TJP1: variants seen among roughly 807,000 people sequenced by gnomAD.
TJP1 encodes the protein tight junction protein 1, also known as tight junction protein ZO-1.
A neutral mutation model predicts 194.2 loss-of-function variants in TJP1; 43 were observed. The observed-to-expected ratio is 0.22, with a 90% CI of 0.17 to 0.29. TJP1 has a LOEUF of 0.29. Ranked by LOEUF, TJP1 falls within the 10% of genes least tolerant of loss-of-function variation. The probability of loss-of-function intolerance (pLI) is 1.00; values close to 1 mark genes in which losing one functional copy is unlikely to be tolerated. For missense variants in TJP1, 1,971 were observed against 2,185.7 expected (o/e 0.90, Z 1.96); for synonymous variants, 801 against 779.0 (o/e 1.03, Z -0.47).
chr15:29,729,683 G>C (rs968652725), intron 15 of TJP1, among the ~76,000 whole-genome samples: 33 of 152,160 alleles, frequency 2.2e-4, no homozygotes, highest in African/African-American at 7.7e-4. Context: ...AGCCGGGCGT[G>C]GTGGCGGGTG....
intron 1 of TJP1, among the ~76,000 whole-genome samples, chr15:29,816,603 C>A (rs1015261777): frequency 1.3e-5 from 2 of 152,176 alleles, no homozygotes; most frequent in Non-Finnish European, 2.9e-5. Context: ...GAGTTTTTCA[C>A]TTTTAAAACA....
At chr15:29,959,301 T>C (rs1006398587) in intron 1 of TJP1, among the ~76,000 whole-genome samples, 4 of 152,020 alleles carry the variant, frequency 2.6e-5, no homozygotes, top group African/African-American at 9.7e-5. Flanking sequence ...GTATCTAGTA[T>C]TTTTTTAATT....
At position 29,732,828 on chromosome 15, in the gene TJP1, G is replaced by A. The variant is rs1358615492; in HGVS notation, c.1737-13C>T. On this transcript the variant is annotated splice_polypyrimidine_tract_variant and intron_variant, in intron 13 of 27. Coordinates refer to ENST00000614355, the MANE Select transcript of TJP1 (RefSeq NM_001330239.4). ...TAGCTGCTCAGCTCTACACAAGAAAGGAGAAAATTAAAATAAGGGCATTTA... is the reference window on the plus strand; with the variant it reads ...TAGCTGCTCAGCTCTACACAAGAAAAGAGAAAATTAAAATAAGGGCATTTA... 2 of 1,558,884 alleles carry A rather than the reference G, an allele frequency of 1.3e-6. No homozygotes were observed.
chr15:29,747,082 C>T (rs906788402), intron 8 of TJP1, among the ~76,000 whole-genome samples: 6 of 152,046 alleles, frequency 3.9e-5, no homozygotes, highest in African/African-American at 7.3e-5. Flanking sequence ...GTCAGGAGTT[C>T]GAGATCAGCC....
At chr15:29,834,129 C>T (rs2050944141) in intron 2 of TJP1, among the ~76,000 whole-genome samples, 1 of 151,082 alleles carries the variant, frequency 6.6e-6, no homozygotes, top group African/African-American at 2.4e-5. Context: ...GATCGGCCCA[C>T]CTCGGCTTCC....
At position 29,879,685 on chromosome 15, in the gene TJP1, C is replaced by T. The variant is rs117312166; in HGVS notation, c.306+76547G>A. ...GGAATTGTGACATCAGGTGTGTGCA[C>T]TTTCGCATATAGCTTAGACTCTCTT... On this transcript the variant is annotated intron_variant, in intron 2 of 28. Coordinates refer to the TJP1 transcript ENST00000356107. 1.8e-3 allele frequency among the ~76,000 whole-genome samples: 270 copies of T among 151,146 alleles called. 8 individuals carry two copies. The East Asian group carries it at 0.049, about 27-fold the overall frequency.
At chr15:29,888,045 T>C (rs898595022) in intron 2 of TJP1, among the ~76,000 whole-genome samples, 2 of 152,150 alleles carry the variant, frequency 1.3e-5, no homozygotes, top group Non-Finnish European at 2.9e-5. Flanking sequence ...GATCTAAAAG[T>C]ATATTAAAGA....
chr15:29,710,868 C>G lies in TJP1; in HGVS notation c.4335G>C (p.Ala1445=), dbSNP rs774848779. 3 of 1,613,982 alleles carry G rather than the reference C, an allele frequency of 1.9e-6. No homozygotes were observed. The highest frequency in any genetic ancestry group is 2.2e-5 in the South Asian group (2 of 91,084). The change falls in exon 24 of 28, where the codon GCG becomes GCC. Residue 1445 remains alanine, a synonymous_variant. Coordinates refer to ENST00000614355, the MANE Select transcript of TJP1 (RefSeq NM_001330239.4). ...CTCCCTTAGAATGTATGTGGAGAGA[C>G]GCGCTGGTGACAGGCTGAGATGGCT... ...YAQPSQPVTS[A]SLHIHSKGAH...
intron 8 of TJP1, among the ~76,000 whole-genome samples, chr15:29,744,014 A>G (rs542119574): frequency 6.6e-6 from 1 of 152,250 alleles, no homozygotes; most frequent in South Asian, 2.1e-4. Flanking sequence ...CCCTGTCTCT[A>G]CTAAAAATAC....
intron 2 of TJP1, among the ~76,000 whole-genome samples, chr15:29,852,731 C>T (rs1596109209): frequency 6.6e-6 from 1 of 152,014 alleles, no homozygotes; most frequent in African/African-American, 2.4e-5. Flanking sequence ...AATGGAGAAA[C>T]CCCGTCTCTA....
In TJP1 at chr15:29,750,294, C is replaced by T. The variant is rs186446561; in HGVS notation, c.1011-7513G>A. On this transcript the variant is annotated intron_variant, in intron 8 of 27. Transcript: ENST00000614355. ...CTGGGATTACAGGCGTGAGCCACCA[C>T]GCCCGGCCTAATTTTTTGTATTTTA... Among the ~76,000 whole-genome samples, 379 of 152,256 alleles carry T rather than the reference C, an allele frequency of 2.5e-3. 2 individuals are homozygous for T. The highest frequency in any genetic ancestry group is 8.5e-3 in the African/African-American group (353 of 41,552).
chr15:29,705,712 A>G lies in TJP1; in HGVS notation c.4884T>C (p.Asp1628=). Residue 1628 remains aspartate, a synonymous_variant, in exon 26 of 28, where the codon GAT becomes GAC. Transcript: ENST00000614355. The part of the protein sequence containing the change: ...PSAVEEDEDE[D]GHTVVATARG... ...GGGCTGTGGCCACCACAGTATGACC[A>G]TCTTCATCTTCATCCTCTTCCACAG... 6.2e-7 allele frequency: 1 copy of G among 1,614,170 alleles called. No homozygotes were observed. The highest frequency in any genetic ancestry group is 1.1e-5 in the South Asian group (1 of 91,092).
intron 8 of TJP1, chr15:29,760,387 T>G: frequency 1.6e-6 from 1 of 622,452 alleles, no homozygotes; most frequent in Non-Finnish European, 2.9e-6. Flanking sequence ...TGTTTTGTTT[T>G]GTTTTTGAGA....
intron 2 of TJP1, among the ~76,000 whole-genome samples, chr15:29,847,502 T>G (rs1457961200): frequency 6.6e-6 from 1 of 152,172 alleles, no homozygotes; most frequent in East Asian, 1.9e-4. Flanking sequence ...AGTAAGCACT[T>G]GGGCTGGGCC....
At chr15:29,743,304 G>C (rs1318978040) in intron 8 of TJP1, among the ~76,000 whole-genome samples, 1 of 152,108 alleles carries the variant, frequency 6.6e-6, no homozygotes, top group Non-Finnish European at 1.5e-5. Flanking sequence ...ATATAATACT[G>C]GGCTGAACTA....
At chr15:29,766,148 T>C (rs2046317407) in intron 5 of TJP1, 118 bp downstream of exon 5, 5 of 1,361,224 alleles carry the variant, frequency 3.7e-6, no homozygotes, top group South Asian at 2.9e-5. Context: ...CTTACAGTGA[T>C]AGAACACAAA....
At position 29,817,958 on chromosome 15, in the gene TJP1, T is replaced by C. The variant is rs2050048596; in HGVS notation, c.27+4044A>G. Among the ~76,000 whole-genome samples the C allele has an allele frequency of 3.3e-5, 5 of 151,850 alleles. No individual in the cohort carries two copies. In the South Asian group the frequency reaches 1.0e-3, roughly 32 times the overall value. ...GTGCAGCAAACCACCATGGCACACG[T>C]ATACCTATGTAACAAATGTGCACAT... On this transcript the variant is annotated intron_variant, in intron 1 of 27. Coordinates refer to ENST00000614355, the MANE Select transcript of TJP1 (RefSeq NM_001330239.4).
At chr15:29,772,815 A>C (rs2046777154) in intron 3 of TJP1, among the ~76,000 whole-genome samples, 1 of 152,160 alleles carries the variant, frequency 6.6e-6, no homozygotes, top group South Asian at 2.1e-4. Context: ...CTTGGGCTGG[A>C]GTACAGTGGT....
intron 8 of TJP1, among the ~76,000 whole-genome samples, chr15:29,750,601 C>A (rs756773477): frequency 2.0e-4 from 30 of 152,152 alleles, no homozygotes; most frequent in Admixed American, 1.1e-3. Flanking sequence ...CATTTCATAG[C>A]CCTTTCCCTC....
Sources: allele counts gnomAD v4.1 joint callset (sites outside exome capture counted in the v4.1 genomes callset), GRCh38; gene constraint gnomAD v4.1.1; transcripts MANE v1.5; gene names NCBI Gene and HGNC (gene_info 2026-07-23, HGNC 2026-07-21).